The following GLIS3 variants were observed in gnomAD, a reference collection of about 807,000 sequenced individuals.
The protein encoded by GLIS3 is zinc finger protein GLIS3.
A neutral mutation model predicts 78.6 loss-of-function variants in GLIS3; 53 were observed. The observed-to-expected ratio is 0.67, with a 90% confidence interval of 0.54 to 0.85. The LOEUF is 0.85. Among genes scored for constraint, GLIS3 ranks in the 40% least tolerant of loss-of-function variants. GLIS3 has a pLI of 0.00. For missense variants in GLIS3, 1,703 were observed against 1,231.1 expected (o/e 1.38, Z -5.74); for synonymous variants, 684 against 509.9 (o/e 1.34, Z -4.60).
chr9:4,291,435 T>G lies in GLIS3; in HGVS notation c.-98-4912A>C, dbSNP rs57132962. On this transcript the variant is annotated intron_variant, in intron 1 of 10. Transcript: ENST00000381971. Reference sequence around the variant, plus strand: ...CAATCTAATCAGAGATATAAATGTTTTAACTTTTCATTTTTATATTTTATA... The same window carrying G: ...CAATCTAATCAGAGATATAAATGTTGTAACTTTTCATTTTTATATTTTATA... Among the ~76,000 whole-genome samples the G allele has an allele frequency of 8.7e-3, 1,321 of 152,272 alleles. 54 individuals carry two copies. In the East Asian group the frequency reaches 0.11, roughly 12 times the overall value.
At chr9:3,950,218 C>G (rs1295768541) in intron 4 of GLIS3, among the ~76,000 whole-genome samples, 1 of 152,230 alleles carries the variant, frequency 6.6e-6, no homozygotes, top group East Asian at 1.9e-4. Flanking sequence ...TGGCCTCCCA[C>G]CTGGTCTACT....
At chr9:4,485,782 G>A in the GLIS3 span, among the ~76,000 whole-genome samples, 1 of 149,748 alleles carries the variant, frequency 6.7e-6, no homozygotes, top group East Asian at 1.9e-4. Flanking sequence ...GTGCAATGTC[G>A]CAATCTCAGC....
At chr9:4,326,777 T>C (rs1223283493) in intron 2 of GLIS3, among the ~76,000 whole-genome samples, 1 of 152,092 alleles carries the variant, frequency 6.6e-6, no homozygotes, top group Non-Finnish European at 1.5e-5. Context: ...ATTGGAAACA[T>C]AGGCTGGAAG....
chr9:3,919,491 G>A (rs1298016055), intron 6 of GLIS3, among the ~76,000 whole-genome samples: 2 of 152,038 alleles, frequency 1.3e-5, no homozygotes, highest in African/African-American at 4.8e-5. Flanking sequence ...TGGGAGGGTG[G>A]AAGATGGGAG....
At chr9:4,457,839 A>G in the GLIS3 span, among the ~76,000 whole-genome samples, 2 of 127,800 alleles carry the variant, frequency 1.6e-5, no homozygotes, top group Admixed American at 8.4e-5. Context: ...ACAGAACGAG[A>G]CTCCATCTCA....
At position 4,118,867 on chromosome 9, in the gene GLIS3, C is replaced by T. The variant is rs768779690; in HGVS notation, c.611G>A (p.Arg204His). ...CAAGGTCGTGGACGCCAAAGACTCA[C>T]GCGAAATAAGGGACCTGGAACAGCA... ...PPSDTRSLISRESLASTTLSL... is the reference protein window; with the variant it reads ...PPSDTRSLISHESLASTTLSL... Residue 204 changes from arginine (R) to histidine (H), a missense_variant, in exon 4 of 11, where the codon CGT becomes CAT. Transcript: ENST00000381971. The surrounding 1 kb of genome is among the most constrained non-coding windows in gnomAD (Gnocchi z 4.7). 6 of 1,601,052 alleles carry T rather than the reference C, an allele frequency of 3.7e-6. No homozygotes were observed. The highest frequency in any genetic ancestry group is 3.4e-6 in the Non-Finnish European group (4 of 1,179,888).
the GLIS3 span, among the ~76,000 whole-genome samples, chr9:4,414,965 T>A: frequency 2.6e-5 from 4 of 152,192 alleles, no homozygotes; most frequent in African/African-American, 9.7e-5. Context: ...TCCCCACTTG[T>A]TCTTGTATTT....
At chr9:4,188,209 G>A (rs368897023) in intron 2 of GLIS3, among the ~76,000 whole-genome samples, 12 of 151,562 alleles carry the variant, frequency 7.9e-5, no homozygotes, top group African/African-American at 9.7e-5. Context: ...AGCATGAAGG[G>A]TTGTTGAATT....
chr9:3,915,118 G>T (rs890403678), intron 6 of GLIS3, among the ~76,000 whole-genome samples: 1 of 152,156 alleles, frequency 6.6e-6, no homozygotes. Flanking sequence ...GCCTCAGGGT[G>T]AAGCCCAAGA....
the GLIS3 span, among the ~76,000 whole-genome samples, chr9:4,420,265 C>T: frequency 6.6e-6 from 1 of 152,198 alleles, no homozygotes; most frequent in African/African-American, 2.4e-5. Context: ...GCCACATTTG[C>T]AGAATAGGCC....
At chr9:3,874,355 G>A (rs527769865) in intron 8 of GLIS3, among the ~76,000 whole-genome samples, 7 of 152,236 alleles carry the variant, frequency 4.6e-5, no homozygotes, top group African/African-American at 1.7e-4. Flanking sequence ...GGCCTGGAGA[G>A]GGCATGGAGG....
chr9:3,854,073 C>G (rs907621470), intron 9 of GLIS3, among the ~76,000 whole-genome samples: 1 of 152,194 alleles, frequency 6.6e-6, no homozygotes, highest in Non-Finnish European at 1.5e-5. Flanking sequence ...CTCTACACTT[C>G]ACATAGCCCA....
At chr9:4,016,576 C>A (rs1217054279) in intron 4 of GLIS3, among the ~76,000 whole-genome samples, 2 of 152,150 alleles carry the variant, frequency 1.3e-5, no homozygotes, top group Admixed American at 6.5e-5. Flanking sequence ...AAAAACAATG[C>A]AACTCCTCTG....
chr9:4,394,070 ATT>A, the GLIS3 span, among the ~76,000 whole-genome samples: 3 of 150,258 alleles, frequency 2.0e-5, no homozygotes, highest in Non-Finnish European at 1.5e-5. Context: ...TCCCAGGAAA[ATT>A]TGTCTCTTAA....
intron 2 of GLIS3, chr9:4,144,868 G>C (rs1280479945): frequency 6.6e-6 from 1 of 152,108 alleles, no homozygotes; most frequent in African/African-American, 2.4e-5. Flanking sequence ...AACTGTTCTG[G>C]GAAATATTTA....
chr9:4,039,899 A>C (rs1824656065), intron 4 of GLIS3, among the ~76,000 whole-genome samples: 1 of 152,222 alleles, frequency 6.6e-6, no homozygotes, highest in Non-Finnish European at 1.5e-5. Context: ...TATAAATTGG[A>C]GGATCGACAA....
At chr9:4,332,055 T>G (rs1326392949) in intron 2 of GLIS3, among the ~76,000 whole-genome samples, 1 of 152,158 alleles carries the variant, frequency 6.6e-6, no homozygotes, top group African/African-American at 2.4e-5. Context: ...TCTTTTAGGT[T>G]AAAAATGCTT....
intron 4 of GLIS3, chr9:4,305,771 A>C (rs1217778042): frequency 6.6e-6 from 1 of 152,178 alleles, no homozygotes; most frequent in Non-Finnish European, 1.5e-5. Context: ...AGAAAAAAAA[A>C]GTGAAACTGT....
chr9:4,264,734 T>C (rs1825827591), intron 2 of GLIS3, among the ~76,000 whole-genome samples: 1 of 152,162 alleles, frequency 6.6e-6, no homozygotes, highest in African/African-American at 2.4e-5. Flanking sequence ...TTTCTCCCTA[T>C]AGCACTTATT....
Sources: allele counts gnomAD v4.1 joint callset (sites outside exome capture counted in the v4.1 genomes callset), GRCh38; gene constraint gnomAD v4.1.1; non-coding constraint Gnocchi (gnomAD v3.1); transcripts MANE v1.5; gene names NCBI Gene and HGNC (gene_info 2026-07-23, HGNC 2026-07-21).